MTREX: variants seen among roughly 807,000 people sequenced by gnomAD.
The protein encoded by MTREX is Mtr4 exosome RNA helicase.
A neutral mutation model predicts 135.4 loss-of-function variants in MTREX; 76 were observed. The ratio of observed to expected loss-of-function variants is 0.56; its 90% CI spans 0.47 to 0.68. MTREX has a LOEUF of 0.68. MTREX is among the 30% of genes least tolerant of loss of function. The probability of loss-of-function intolerance (pLI) is 0.00; values close to 1 mark genes in which losing one functional copy is unlikely to be tolerated. For missense variants in MTREX, 920 were observed against 1,262.1 expected (o/e 0.73, Z 4.11); for synonymous variants, 404 against 401.6 (o/e 1.01, Z -0.07).
intron 16 of MTREX, among the ~76,000 whole-genome samples, chr5:55,376,809 C>G (rs1282477070): frequency 2.6e-5 from 4 of 152,134 alleles, no homozygotes; most frequent in Non-Finnish European, 4.4e-5. Context: ...GTGGCTCACG[C>G]CTGTAATTCT....
chr5:55,316,951 C>G lies in MTREX; in HGVS notation c.135-5376C>G, dbSNP rs539517405. On this transcript the variant is annotated intron_variant, in intron 1 of 26. Transcript: ENST00000230640. Reference sequence around the variant, plus strand: ...GCTGCTGGATACAAAAATTAGTGTACAAAAAAGGCTAGCATTCTTATACAC... The same window carrying G: ...GCTGCTGGATACAAAAATTAGTGTAGAAAAAAGGCTAGCATTCTTATACAC... Among the ~76,000 whole-genome samples the G allele has an allele frequency of 9.2e-5, 14 of 152,116 alleles. No homozygotes were observed. The East Asian group carries it at 2.5e-3, about 27-fold the overall frequency.
At chr5:55,405,631 A>G in intron 22 of MTREX, 43 bp downstream of exon 22, 1 of 1,488,234 alleles carries the variant, frequency 6.7e-7, no homozygotes. Context: ...TTTTTTTTTC[A>G]TTTTTAATTT....
At chr5:55,369,033 A>G (rs548968585) in intron 16 of MTREX, among the ~76,000 whole-genome samples, 1 of 152,178 alleles carries the variant, frequency 6.6e-6, no homozygotes, top group African/African-American at 2.4e-5. Flanking sequence ...GAGATAGAAA[A>G]GTATGATTCT....
At chr5:55,361,381 A>G (rs948556126) in intron 15 of MTREX, among the ~76,000 whole-genome samples, 2 of 152,250 alleles carry the variant, frequency 1.3e-5, no homozygotes, top group Non-Finnish European at 2.9e-5. Context: ...AACATGGCAA[A>G]ATACATGTGT....
intron 3 of MTREX, among the ~76,000 whole-genome samples, chr5:55,326,717 C>G (rs1377788125): frequency 2.6e-5 from 4 of 152,116 alleles, no homozygotes; most frequent in Admixed American, 6.5e-5. Flanking sequence ...AATTATTATA[C>G]TTTAAGTTCT....
chr5:55,312,410 CTTCTT>C (rs1749128780), intron 1 of MTREX, among the ~76,000 whole-genome samples: 1 of 150,968 alleles, frequency 6.6e-6, no homozygotes, highest in Admixed American at 6.6e-5. Context: ...CTTATTTCTT[CTTCTT>C]TTTTTTTTTA....
intron 15 of MTREX, among the ~76,000 whole-genome samples, chr5:55,363,049 G>A (rs1387078088): frequency 6.6e-6 from 1 of 152,010 alleles, no homozygotes; most frequent in Non-Finnish European, 1.5e-5. Context: ...CTTCTAGTCA[G>A]TGGTGTGTTC....
Position 55,414,244 on chromosome 5 carries a change from GTTTTTTT to G in MTREX, c.2808+18_2808+24del. ...GACCACTTCGTCAAATGCAGGTAAG[GTTTTTTT>G]TTTTTTTTTTTGAACTACATATTTT... On this transcript the variant is annotated splice_region_variant and intron_variant, in intron 24 of 26. Transcript: ENST00000230640. 2.2e-6 allele frequency: 3 copies of G among 1,336,856 alleles called. No individual in the cohort carries two copies. The highest frequency in any genetic ancestry group is 1.6e-5 in the South Asian group (1 of 63,430). 82.8% of individuals were successfully genotyped at this position (1,336,856 alleles called of 1,614,324 possible).
chr5:55,397,374 G>C (rs749593613), intron 19 of MTREX, 42 bp from the exon 20 acceptor site: 2 of 1,280,726 alleles, frequency 1.6e-6, no homozygotes, highest in South Asian at 2.7e-5. Flanking sequence ...ATATGAACAT[G>C]TGCAAATTTA....
At chr5:55,331,494 G>A (rs1049709020) in intron 5 of MTREX, among the ~76,000 whole-genome samples, 6 of 152,116 alleles carry the variant, frequency 3.9e-5, no homozygotes, top group African/African-American at 1.4e-4. Context: ...CACTGTAGCT[G>A]GTGGGAAACC....
rs187541020 is a variant in MTREX, at chr5:55,399,719, C to G, written c.2293-514C>G. On this transcript the variant is annotated intron_variant, in intron 20 of 26. Coordinates refer to ENST00000230640, the MANE Select transcript of MTREX (RefSeq NM_015360.5). ...AGCCAGGATGGTCTCGATCTCCTGA[C>G]CTTGTGATCCGCCCACCTCGGCCTC... Among the ~76,000 whole-genome samples, 773 of 152,206 alleles carry G rather than the reference C, an allele frequency of 5.1e-3. 3 individuals carry two copies. The highest frequency in any genetic ancestry group is 0.018 in the African/African-American group (745 of 41,512).
At chr5:55,389,131 TCCA>T (rs1245342294) in intron 19 of MTREX, among the ~76,000 whole-genome samples, 2 of 152,200 alleles carry the variant, frequency 1.3e-5, no homozygotes, top group African/African-American at 4.8e-5. Context: ...CCTCTAGAAT[TCCA>T]CCACCAAGTG....
chr5:55,343,549 C>T, intron 8 of MTREX, 94 bp downstream of exon 8: 1 of 1,082,442 alleles, frequency 9.2e-7, no homozygotes, highest in Non-Finnish European at 1.3e-6. Flanking sequence ...TGATGTTGTC[C>T]AGAATAATAA....
At chr5:55,341,870 T>G (rs1263830732) in intron 7 of MTREX, 99 bp downstream of exon 7, 2 of 592,788 alleles carry the variant, frequency 3.4e-6, no homozygotes, top group Non-Finnish European at 5.9e-6. Context: ...AGTTTTTGTG[T>G]GGCTAGGGTT....
At chr5:55,321,899 T>G (rs933164622) in intron 1 of MTREX, among the ~76,000 whole-genome samples, 3 of 152,132 alleles carry the variant, frequency 2.0e-5, no homozygotes, top group Non-Finnish European at 4.4e-5. Flanking sequence ...TGAGCCACCG[T>G]GCCCGGCTCC....
chr5:55,319,117 A>T (rs1224006389), intron 1 of MTREX, among the ~76,000 whole-genome samples: 1 of 152,122 alleles, frequency 6.6e-6, no homozygotes, highest in Non-Finnish European at 1.5e-5. Flanking sequence ...AGTTGCAGAT[A>T]TGTTGCCCAT....
intron 10 of MTREX, 126 bp downstream of exon 10, chr5:55,345,322 T>A: frequency 1.5e-6 from 1 of 659,106 alleles, no homozygotes. Flanking sequence ...GTGATAAAAT[T>A]GGATAAATAT....
chr5:55,335,685 C>A (rs1043490984), intron 5 of MTREX, among the ~76,000 whole-genome samples: 4 of 152,036 alleles, frequency 2.6e-5, no homozygotes, highest in Non-Finnish European at 5.9e-5. Context: ...AGTATTGATA[C>A]TAGGTAATGA....
intron 1 of MTREX, among the ~76,000 whole-genome samples, chr5:55,315,228 ATAGT>A (rs1749179697): frequency 6.6e-6 from 1 of 152,168 alleles, no homozygotes; most frequent in Non-Finnish European, 1.5e-5. Flanking sequence ...AAAAAAATTG[ATAGT>A]TGGTCCTTCT....
Sources: gnomAD v4.1 joint callset for allele counts (sites outside exome capture counted in the v4.1 genomes callset) on GRCh38, gnomAD v4.1.1 for gene constraint, MANE v1.5 for transcripts, NCBI Gene and HGNC (gene_info 2026-07-23, HGNC 2026-07-21) for gene names.